Variants in NEURL1 observed in about 807,000 individuals in gnomAD.
The protein encoded by NEURL1 is E3 ubiquitin-protein ligase NEURL1.
In NEURL1, 26 loss-of-function variants were observed where a neutral mutation model predicts 41.2. The ratio of observed to expected loss-of-function variants is 0.63; its 90% CI spans 0.46 to 0.87. NEURL1 has a LOEUF of 0.87. NEURL1 is among the 40% of genes least tolerant of loss of function. The pLI is 0.00. For synonymous variants in NEURL1, 400 were observed against 402.3 expected (o/e 0.99, Z 0.07); for missense variants, 761 against 871.1 (o/e 0.87, Z 1.59).
At chr10:103,568,427 T>C (rs557370360) in intron 1 of NEURL1, among the ~76,000 whole-genome samples, 16 of 152,258 alleles carry the variant, frequency 1.1e-4, no homozygotes, top group Admixed American at 2.6e-4. Flanking sequence ...AGGAAGCATT[T>C]TGAAGGGATT....
At chr10:103,579,416 G>A (rs994710809) in intron 3 of NEURL1, among the ~76,000 whole-genome samples, 1 of 152,290 alleles carries the variant, frequency 6.6e-6, no homozygotes, top group East Asian at 1.9e-4. Context: ...CCCAAGGAGG[G>A]TATCTGGGAT....
chr10:103,494,545 G>T, intron 1 of NEURL1, 73 bp downstream of exon 1: 1 of 1,337,726 alleles, frequency 7.5e-7, no homozygotes, highest in Non-Finnish European at 1.0e-6. Flanking sequence ...GGTTGGGGAG[G>T]GCGGGCAGAC....
rs1418353497 is a variant in NEURL1, at chr10:103,556,602, TA to T, written c.86-14264del. On this transcript the variant is annotated intron_variant, in intron 1 of 5. Coordinates refer to ENST00000369780, the MANE Select transcript of NEURL1 (RefSeq NM_004210.5). This position sits in a 1 kb window ranked among gnomAD's most constrained non-coding sequence, Gnocchi z 4.4. ...GGACTTTGGGAGAGTAATTTCTAAT[TA>T]AAAAAGAAAAAAGACAGGGAAAGAT... Among the ~76,000 whole-genome samples, 4 of 151,742 alleles carry T rather than the reference TA, an allele frequency of 2.6e-5. No individual in the cohort carries two copies. The highest frequency in any genetic ancestry group is 9.7e-5 in the African/African-American group (4 of 41,298).
chr10:103,555,552 G>C, intron 1 of NEURL1: 1 of 654,516 alleles, frequency 1.5e-6, no homozygotes, highest in South Asian at 2.3e-5. Context: ...GGCTGTGTGG[G>C]GGCACCTTTT....
intron 4 of NEURL1, among the ~76,000 whole-genome samples, chr10:103,586,266 T>C (rs1220363547): frequency 6.6e-6 from 1 of 152,204 alleles, no homozygotes; most frequent in Non-Finnish European, 1.5e-5. Flanking sequence ...AAGTGTCTCC[T>C]GGTACCTTTG....
rs2033923767 is a variant in NEURL1, at chr10:103,505,340, C to A, written c.85+10868C>A. Among the ~76,000 whole-genome samples, 2 of 151,892 alleles carry A rather than the reference C, an allele frequency of 1.3e-5. 1 individual carries two copies. Among genetic ancestry groups the A allele is most frequent in the South Asian group, 4.2e-4 (2 of 4,790 alleles). On this transcript the variant is annotated intron_variant, in intron 1 of 5. Coordinates refer to ENST00000369780, the MANE Select transcript of NEURL1 (RefSeq NM_004210.5). ...TGGGTTCAAGCAATTCTCTCTGCCTCAGCCTCCCGAATAGCTGGGATTACA... is the reference window on the plus strand; with the variant it reads ...TGGGTTCAAGCAATTCTCTCTGCCTAAGCCTCCCGAATAGCTGGGATTACA...
At chr10:103,589,486 G>A (rs1271172066) in intron 4 of NEURL1, 28 bp from the exon 5 acceptor site, 2 of 1,566,658 alleles carry the variant, frequency 1.3e-6, no homozygotes, top group Non-Finnish European at 8.7e-7. Flanking sequence ...GGCAGCTAGT[G>A]TGTCCTTCCC....
chr10:103,569,430 A>G (rs2035491755), intron 1 of NEURL1, among the ~76,000 whole-genome samples: 1 of 152,198 alleles, frequency 6.6e-6, no homozygotes, highest in African/African-American at 2.4e-5. Context: ...TCTAGATGTG[A>G]ACCTCAACAG....
chr10:103,589,419 GGTCA>G, intron 4 of NEURL1, 91 bp from the exon 5 acceptor site: 1 of 1,382,054 alleles, frequency 7.2e-7, no homozygotes, highest in Non-Finnish European at 9.7e-7. Flanking sequence ...TGGGCTGTGT[GGTCA>G]GGCCTGGGAA....
chr10:103,526,862 C>T (rs2034469809), intron 1 of NEURL1, among the ~76,000 whole-genome samples: 1 of 151,038 alleles, frequency 6.6e-6, no homozygotes, highest in Non-Finnish European at 1.5e-5. Context: ...ACTAGGCTTT[C>T]TAATTTGTTT....
At chr10:103,501,608 T>G (rs2033823928) in intron 1 of NEURL1, among the ~76,000 whole-genome samples, 1 of 143,346 alleles carries the variant, frequency 7.0e-6, no homozygotes, top group South Asian at 2.3e-4. Context: ...TAGGTATTAT[T>G]CCCACTTTAT....
At chr10:103,555,181 C>A in intron 1 of NEURL1, 2 of 437,876 alleles carry the variant, frequency 4.6e-6, no homozygotes, top group Non-Finnish European at 6.1e-6. Context: ...GGCCGGCTGG[C>A]CGCGGGCGGG....
intron 1 of NEURL1, among the ~76,000 whole-genome samples, chr10:103,546,655 G>A (rs574418116): frequency 6.6e-6 from 1 of 152,338 alleles, no homozygotes; most frequent in South Asian, 2.1e-4. Flanking sequence ...TCCCCTTCTG[G>A]GGGCCCAGAG....
Position 103,558,815 on chromosome 10 carries a change from C to T in NEURL1, c.86-12057C>T, listed in dbSNP as rs963942181. Among the ~76,000 whole-genome samples the T allele has an allele frequency of 1.3e-5, 2 of 151,784 alleles. No homozygotes were observed. Among genetic ancestry groups the T allele is most frequent in the Non-Finnish European group, 2.9e-5 (2 of 67,860 alleles). On this transcript the variant is annotated intron_variant, in intron 1 of 5. Coordinates refer to ENST00000369780, the MANE Select transcript of NEURL1 (RefSeq NM_004210.5). The surrounding 1 kb of genome is among the most constrained non-coding windows in gnomAD (Gnocchi z 4.2). ...TCTTCTTCCTTTCCCCCCACTTCCT[C>T]CTTCACCTCCCTTCAATGCTCCCTC... is the stretch of plus-strand genomic sequence containing the variant.
chr10:103,575,063 T>A (rs1365645122), intron 3 of NEURL1, among the ~76,000 whole-genome samples: 3 of 151,530 alleles, frequency 2.0e-5, no homozygotes, highest in Non-Finnish European at 4.4e-5. Flanking sequence ...GTGGGCGTGA[T>A]CTCTCCACCT....
intron 1 of NEURL1, among the ~76,000 whole-genome samples, chr10:103,568,078 A>G (rs1217135746): frequency 1.3e-5 from 2 of 152,198 alleles, no homozygotes; most frequent in East Asian, 3.9e-4. Flanking sequence ...TTACTTTCGC[A>G]TGCTCACAGG....
intron 1 of NEURL1, among the ~76,000 whole-genome samples, chr10:103,505,334 C>G (rs2133846380): frequency 6.6e-6 from 1 of 151,650 alleles, no homozygotes; most frequent in South Asian, 2.1e-4. Context: ...GCAATTCTCT[C>G]TGCCTCAGCC....
intron 1 of NEURL1, among the ~76,000 whole-genome samples, chr10:103,567,570 A>C (rs1244951602): frequency 1.3e-5 from 2 of 151,554 alleles, no homozygotes; most frequent in African/African-American, 4.9e-5. Flanking sequence ...CTAATTTTTA[A>C]ATTTTTTGTA....
chr10:103,502,998 A>G (rs1183684108), intron 1 of NEURL1, among the ~76,000 whole-genome samples: 1 of 152,214 alleles, frequency 6.6e-6, no homozygotes, highest in African/African-American at 2.4e-5. Context: ...TGAACTGGCC[A>G]GCATCAGGCT....
Sources: gnomAD v4.1 joint callset for allele counts (sites outside exome capture counted in the v4.1 genomes callset) on GRCh38, gnomAD v4.1.1 for gene constraint, Gnocchi (gnomAD v3.1) non-coding constraint, MANE v1.5 for transcripts, NCBI Gene and HGNC (gene_info 2026-07-23, HGNC 2026-07-21) for gene names.